RAD50: variants seen among roughly 807,000 people sequenced by gnomAD.
The protein encoded by RAD50 is RAD50 double strand break repair protein, also known as DNA repair protein RAD50.
In RAD50, 132 loss-of-function variants were observed where a neutral mutation model predicts 168.8. The observed-to-expected ratio is 0.78, with a 90% confidence interval of 0.68 to 0.90. RAD50 has a LOEUF of 0.90. Ranked by LOEUF, RAD50 falls within the 40% of genes least tolerant of loss-of-function variation. The pLI is 0.00. For missense variants in RAD50, 1,347 were observed against 1,534.4 expected (o/e 0.88, Z 2.04); for synonymous variants, 525 against 497.4 (o/e 1.06, Z -0.74).
Position 132,587,638 on chromosome 5 carries a change from G to A in RAD50, c.833G>A (p.Arg278Gln), listed in dbSNP as rs587782307. 1.5e-5 allele frequency: 24 copies of A among 1,613,650 alleles called. No individual in the cohort carries two copies. Among genetic ancestry groups the A allele is most frequent in the African/African-American group, 4.0e-5 (3 of 74,870 alleles). ...AATGAAATTAAAGCCTTGGATAGCCGAAAGAAGCAAATGGAGAAAGATAAT... is the reference window on the plus strand; with the variant it reads ...AATGAAATTAAAGCCTTGGATAGCCAAAAGAAGCAAATGGAGAAAGATAAT... ...LDNEIKALDS[R>Q]KKQMEKDNSE... The change falls in exon 6 of 25, where the codon CGA becomes CAA. Residue 278 changes from arginine to glutamine, a missense_variant. Physicochemically the swap from Arg to Gln is conservative, Grantham distance 43. Transcript: ENST00000378823.
rs1751810178 is a variant in RAD50 at position 132,644,537 on chromosome 5, A to ATGAC, written c.*2174_*2177dup. The ATGAC allele has an allele frequency of 5.5e-6, 1 of 182,088 alleles. No individual in the cohort carries two copies. The highest frequency in any genetic ancestry group is 2.0e-4 in the South Asian group (1 of 5,090). 11.3% of individuals were successfully genotyped at this position (182,088 alleles called of 1,614,324 possible). On this transcript the variant is annotated 3_prime_UTR_variant, in exon 25 of 25. Coordinates refer to ENST00000378823, the MANE Select transcript of RAD50 (RefSeq NM_005732.4). ...TTTGTAGGGTTGTTATGAAGATTGAATGACATTATTTACAAACTGCTTAGA... is the reference window on the plus strand; with the variant it reads ...TTTGTAGGGTTGTTATGAAGATTGAATGACTGACATTATTTACAAACTGCTTAGA...
chr5:132,567,942 A>G (rs1561631551), intron 2 of RAD50, among the ~76,000 whole-genome samples: 1 of 152,212 alleles, frequency 6.6e-6, no homozygotes, highest in East Asian at 1.9e-4. Flanking sequence ...TGCAGAATAT[A>G]ATTTTAAAAA....
chr5:132,608,823 A>G (rs551004603), intron 17 of RAD50, 98 bp downstream of exon 17: 22 of 1,456,198 alleles, frequency 1.5e-5, no homozygotes, highest in Non-Finnish European at 2.0e-5. Context: ...ATTAAATAGC[A>G]TAAGATAAAT....
At chr5:132,585,858 TG>T (rs1750587896) in intron 5 of RAD50, among the ~76,000 whole-genome samples, 1 of 152,134 alleles carries the variant, frequency 6.6e-6, no homozygotes, top group Non-Finnish European at 1.5e-5. Flanking sequence ...TCTCCCAAAG[TG>T]CTGGGATTAC....
rs1036750369 is a variant in RAD50 at position 132,624,628 on chromosome 5, G to A, written c.3389+6334G>A. 3.3e-5 allele frequency among the ~76,000 whole-genome samples: 5 copies of A among 152,116 alleles called. No individual in the cohort carries two copies. The East Asian group carries it at 9.6e-4, about 29-fold the overall frequency. ...GTAAAAACCTATTTTGCCAGGCTTAGTGGCTTACGCCTGTAATCCTAGCAC... is the reference window on the plus strand; with the variant it reads ...GTAAAAACCTATTTTGCCAGGCTTAATGGCTTACGCCTGTAATCCTAGCAC... On this transcript the variant is annotated intron_variant, in intron 21 of 24. Coordinates refer to ENST00000378823, the MANE Select transcript of RAD50 (RefSeq NM_005732.4).
intron 6 of RAD50, 114 bp from the exon 7 acceptor site, chr5:132,587,810 T>C (rs1435114650): frequency 3.9e-6 from 6 of 1,539,352 alleles, no homozygotes; most frequent in Non-Finnish European, 5.4e-6. Flanking sequence ...GTTACTTCTA[T>C]GTATATGTTA....
At chr5:132,564,545 A>G (rs1750175326) in intron 2 of RAD50, among the ~76,000 whole-genome samples, 1 of 152,196 alleles carries the variant, frequency 6.6e-6, no homozygotes, top group Admixed American at 6.5e-5. Flanking sequence ...AAGCAAAGAG[A>G]TCTGAAACTG....
intron 21 of RAD50, among the ~76,000 whole-genome samples, chr5:132,635,337 CATT>C (rs780241762): frequency 8.5e-5 from 13 of 152,278 alleles, no homozygotes; most frequent in Non-Finnish European, 1.3e-4. Flanking sequence ...TCATTATTAT[CATT>C]GTTATTCCCT....
intron 13 of RAD50, among the ~76,000 whole-genome samples, chr5:132,598,722 G>A (rs897646960): frequency 5.3e-5 from 8 of 152,178 alleles, no homozygotes; most frequent in African/African-American, 1.9e-4. Flanking sequence ...GCCTCTGCAT[G>A]CGTCTTGGGC....
intron 9 of RAD50, 70 bp downstream of exon 9, chr5:132,589,907 G>A: frequency 7.3e-7 from 1 of 1,362,510 alleles, no homozygotes; most frequent in Middle Eastern, 2.5e-4. Context: ...GTCTATTTTT[G>A]ATCCTAAGAT....
At chr5:132,616,211 A>G in intron 20 of RAD50, 81 bp downstream of exon 20, 1 of 1,432,894 alleles carries the variant, frequency 7.0e-7, no homozygotes, top group Non-Finnish European at 9.7e-7. Context: ...CTGTTTTAAA[A>G]GAATTTTAGC....
Position 132,608,630 on chromosome 5 carries a change from G to C in RAD50, c.2734G>C (p.Val912Leu), listed in dbSNP as rs1450261940. ...ATATTTTTAGGATGCTAAAGAGCAG[G>C]TAAGCCCTTTGGAAACAACATTGGA... ...YREIKDAKEQ[V>L]SPLETTLEKF... Residue 912 changes from valine to leucine, a missense_variant, in exon 17 of 25, where the codon GTA becomes CTA. Physicochemically the swap from Val to Leu is conservative, Grantham distance 32 (BLOSUM62 1). Around this residue, in one of 3 missense-constraint regions of RAD50, gnomAD observed 635 missense variants for 739.2 expected, o/e 0.86. Transcript: ENST00000378823. The C allele has an allele frequency of 6.3e-7, 1 of 1,591,838 alleles. No homozygotes were observed.
At chr5:132,627,854 A>T (rs1751396590) in intron 21 of RAD50, among the ~76,000 whole-genome samples, 1 of 152,222 alleles carries the variant, frequency 6.6e-6, no homozygotes, top group African/African-American at 2.4e-5. Context: ...GGAGACTTGT[A>T]GTAACCAAGA....
intron 20 of RAD50, among the ~76,000 whole-genome samples, chr5:132,617,282 T>C (rs1281875375): frequency 6.6e-6 from 1 of 152,198 alleles, no homozygotes; most frequent in Non-Finnish European, 1.5e-5. Flanking sequence ...AATTGGTACA[T>C]AACAGTACTT....
chr5:132,638,188 T>C lies in RAD50; in HGVS notation c.3583T>C (p.Leu1195=). ...RVVMLKGDTA[L]DMRGRCSAGQ... Reference sequence around the variant, plus strand: ...GGTGATGCTGAAGGGAGACACAGCCTTGGATATGCGAGGACGATGCAGTGC... The same window carrying C: ...GGTGATGCTGAAGGGAGACACAGCCCTGGATATGCGAGGACGATGCAGTGC... The change falls in exon 23 of 25, where the codon TTG becomes CTG. Residue 1195 remains leucine, a synonymous_variant. Transcript: ENST00000378823. 1 of 1,614,176 alleles carries C rather than the reference T, an allele frequency of 6.2e-7. No homozygotes were observed. Among genetic ancestry groups the C allele is most frequent in the Non-Finnish European group, 8.5e-7 (1 of 1,180,030 alleles).
Position 132,643,021 on chromosome 5 carries a change from A to C in RAD50, c.*657A>C, listed in dbSNP as rs1314734462. ...CCCTTCCAGATGGTCATCCAGACTC[A>C]GAGCTCTCTCTACAGAGAGGAAATT... On this transcript the variant is annotated 3_prime_UTR_variant, in exon 25 of 25. Transcript: ENST00000378823. The C allele has an allele frequency of 1.9e-6, 1 of 528,926 alleles. No homozygotes were observed. The allele number at this position is 528,926 out of a possible 1,614,324, so 32.8% of individuals were successfully genotyped here. A position where few individuals can be genotyped will look rare whatever the true frequency, so the allele number is the denominator to read the frequency against.
chr5:132,644,741 G>A lies in RAD50; in HGVS notation c.*2377G>A, dbSNP rs1480027680. The A allele has an allele frequency of 6.1e-6, 1 of 162,634 alleles. No individual in the cohort carries two copies. The highest frequency in any genetic ancestry group is 1.3e-5 in the Non-Finnish European group (1 of 74,298). 10.1% of individuals were successfully genotyped at this position (162,634 alleles called of 1,614,324 possible). A position where few individuals can be genotyped will look rare whatever the true frequency, so the allele number is the denominator to read the frequency against. On this transcript the variant is annotated 3_prime_UTR_variant, in exon 25 of 25. Transcript: ENST00000378823. ...AATCATTGCTGATTTCAATATCCAA[G>A]TGATGGTCTAATACAACTCCTTGGC...
chr5:132,561,850 C>T (rs1046134744), intron 2 of RAD50, among the ~76,000 whole-genome samples: 2 of 151,736 alleles, frequency 1.3e-5, no homozygotes, highest in African/African-American at 4.8e-5. Flanking sequence ...TTCTTACCTA[C>T]CCTTCTAAAA....
chr5:132,595,393 T>C, intron 12 of RAD50, 180 bp from the exon 13 acceptor site: 1 of 501,656 alleles, frequency 2.0e-6, no homozygotes, highest in Non-Finnish European at 3.4e-6. Context: ...CAAATCTGAA[T>C]GTATCATGCT....
Sources: gnomAD v4.1 joint callset for allele counts (sites outside exome capture counted in the v4.1 genomes callset) on GRCh38, gnomAD v4.1.1 for gene constraint, gnomAD v4.1.1 regional missense constraint, MANE v1.5 for transcripts, NCBI Gene and HGNC (gene_info 2026-07-23, HGNC 2026-07-21) for gene names.